COL11A2: variants seen among roughly 807,000 people sequenced by gnomAD.
COL11A2 encodes the protein collagen alpha-2(XI) chain.
Under a neutral mutation model 273.4 loss-of-function variants are expected in COL11A2, and 116 were observed. The observed-to-expected ratio is 0.42, with a 90% CI of 0.36 to 0.49. The LOEUF (loss-of-function observed/expected upper bound fraction) is 0.49, where lower values mean the gene tolerates loss of function less well. Ranked by LOEUF, COL11A2 falls within the 20% of genes least tolerant of loss-of-function variation. COL11A2 has a pLI of 0.00. For missense variants in COL11A2, 1,866 were observed against 2,309.0 expected, an observed-to-expected ratio of 0.81 and a Z score of 3.93; for synonymous variants, 782 against 864.2, an observed-to-expected ratio of 0.90 and a Z score of 1.67.
At chr6:33,193,372 G>GC (rs1171688891), upstream of COL11A2, among the ~76,000 whole-genome samples, 5 of 134,798 alleles carry the variant, frequency 3.7e-5, no homozygotes, top group Middle Eastern at 3.4e-3. Flanking sequence ...AGAATCCACC[G>GC]CCCCCCCTTC....
Position 33,170,126 on chromosome 6 carries a change from C to G in COL11A2, c.3583-26G>C. On this transcript the variant is annotated intron_variant, in intron 48 of 65. Transcript: ENST00000341947. This position sits in a 1 kb window ranked among gnomAD's most constrained non-coding sequence, Gnocchi z 4.3. Reference sequence around the variant, plus strand: ...CTGGAAGAGGAACAGAAATAGGTGTCATTGCTTAGGATGGAGGTGCCATTT... The same window carrying G: ...CTGGAAGAGGAACAGAAATAGGTGTGATTGCTTAGGATGGAGGTGCCATTT... 6.2e-7 allele frequency: 1 copy of G among 1,612,984 alleles called. No individual in the cohort carries two copies. The highest frequency in any genetic ancestry group is 8.5e-7 in the Non-Finnish European group (1 of 1,179,992).
At position 33,179,608 on chromosome 6, in the gene COL11A2, C is replaced by A. The variant is rs1021772671; in HGVS notation, c.1446+111G>T. On this transcript the variant is annotated intron_variant, in intron 13 of 65. Transcript: ENST00000341947. The surrounding 1 kb of genome is among the most constrained non-coding windows in gnomAD (Gnocchi z 6.4). ...TCCACTGCCCAGGATTCTCCCCAAC[C>A]TCCCTGTTAACCCCAAACCAACCCA... The A allele has an allele frequency of 1.4e-6, 2 of 1,468,598 alleles. No individual in the cohort carries two copies. Among genetic ancestry groups the A allele is most frequent in the African/African-American group, 1.4e-5 (1 of 71,788 alleles). 91.0% of individuals were successfully genotyped at this position (1,468,598 alleles called of 1,614,324 possible). A position where few individuals can be genotyped will look rare whatever the true frequency, so the allele number is the denominator to read the frequency against.
At position 33,175,639 on chromosome 6, in the gene COL11A2, C is replaced by A; in HGVS notation, c.2311G>T (p.Glu771Ter). The A allele has an allele frequency of 6.2e-7, 1 of 1,613,022 alleles. No individual in the cohort carries two copies. The highest frequency in any genetic ancestry group is 8.5e-7 in the Non-Finnish European group (1 of 1,180,020). ...VPGSRGEDGP[E>*]GPKGRTGPTG... ...GGTCCAGTGCGTCCCTTTGGCCCCT[C>A]AGGACCATCCTCTCCCCTGGAACCA... is the stretch of plus-strand genomic sequence containing the variant. The change falls in exon 30 of 66, where the codon GAG (glutamate) becomes TAG (stop). Residue 771 changes from glutamate (E) to a stop codon, truncating the protein, a stop_gained. Transcript: ENST00000341947. LOFTEE classifies it high-confidence loss of function.
rs569997660 is a variant in COL11A2 at position 33,167,435 on chromosome 6, T to C, written c.4113A>G (p.Pro1371=). ...CCCTGCAGTGACTCACCACTGAGCCTGGGAGCCCCCTCAGACCATCAGGGC... is the reference window on the plus strand; with the variant it reads ...CCCTGCAGTGACTCACCACTGAGCCCGGGAGCCCCCTCAGACCATCAGGGC... ...KPGPDGLRGL[P]GSVGQQGRPG... The change falls in exon 56 of 66, where the codon CCA becomes CCG. Residue 1371 remains proline (P), a synonymous_variant. Coordinates refer to ENST00000341947, the MANE Select transcript of COL11A2 (RefSeq NM_080680.3). This position sits in a 1 kb window ranked among gnomAD's most constrained non-coding sequence, Gnocchi z 6.1. 1 of 1,607,246 alleles carries C rather than the reference T, an allele frequency of 6.2e-7. No individual in the cohort carries two copies. Among genetic ancestry groups the C allele is most frequent in the Admixed American group, 1.7e-5 (1 of 59,868 alleles).
chr6:33,167,031 T>C lies in COL11A2; in HGVS notation c.4230+39A>G. On this transcript the variant is annotated intron_variant, in intron 58 of 65. Coordinates refer to ENST00000341947, the MANE Select transcript of COL11A2 (RefSeq NM_080680.3). The surrounding 1 kb of genome is among the most constrained non-coding windows in gnomAD (Gnocchi z 6.1). ...CCACAGGTTTCAGGGGCGAGGGTGA[T>C]GGGAGAGACACCTGGCCACGTGTCT... 1 of 1,611,934 alleles carries C rather than the reference T, an allele frequency of 6.2e-7. No individual in the cohort carries two copies. Among genetic ancestry groups the C allele is most frequent in the Non-Finnish European group, 8.5e-7 (1 of 1,179,564 alleles).
Position 33,172,910 on chromosome 6 carries a change from C to A in COL11A2, c.2790+150G>T, listed in dbSNP as rs370249961. 143 of 883,244 alleles carry A rather than the reference C, an allele frequency of 1.6e-4. No individual in the cohort carries two copies. In the South Asian group the frequency reaches 1.9e-3, roughly 12 times the overall value. The allele number at this position is 883,244 out of a possible 1,614,324, so 54.7% of individuals were successfully genotyped here. A position where few individuals can be genotyped will look rare whatever the true frequency, so the allele number is the denominator to read the frequency against. ...CCCCAAAACAGACTGAAGTTCAGGA[C>A]CCCTGCCTGAAATCCCAGCCCCCAC... is the stretch of plus-strand genomic sequence containing the variant. On this transcript the variant is annotated intron_variant, in intron 38 of 65. Transcript: ENST00000341947.
Position 33,165,856 on chromosome 6 carries a change from T to C in COL11A2, c.4483-40A>G. On this transcript the variant is annotated intron_variant, in intron 62 of 65. Transcript: ENST00000341947. The surrounding 1 kb of genome is among the most constrained non-coding windows in gnomAD (Gnocchi z 7.7). Reference sequence around the variant, plus strand: ...AGATGGAGAGGGCAAGAGACAAGGTTGGTGTGAGGGTGAAGTGTGGCAGCA... The same window carrying C: ...AGATGGAGAGGGCAAGAGACAAGGTCGGTGTGAGGGTGAAGTGTGGCAGCA... 6.2e-7 allele frequency: 1 copy of C among 1,613,460 alleles called. No individual in the cohort carries two copies. Among genetic ancestry groups the C allele is most frequent in the South Asian group, 1.1e-5 (1 of 91,064 alleles).
chr6:33,173,133 G>C lies in COL11A2; in HGVS notation c.2737-20C>G. 1 of 1,608,262 alleles carries C rather than the reference G, an allele frequency of 6.2e-7. No homozygotes were observed. The highest frequency in any genetic ancestry group is 8.5e-7 in the Non-Finnish European group (1 of 1,177,652). ...GAAACCCTAGGCGAGGAAGAGAGGA[G>C]AATGCAGTGAAAGCAGGTGTGGGCG... On this transcript the variant is annotated intron_variant, in intron 37 of 65. Transcript: ENST00000341947. The surrounding 1 kb of genome is among the most constrained non-coding windows in gnomAD (Gnocchi z 6.3).
In COL11A2 at chr6:33,171,292, G is replaced by T. The variant is rs1770019964; in HGVS notation, c.3291C>A (p.Thr1097=). Residue 1097 remains threonine (T), a synonymous_variant, in exon 44 of 66, where the codon ACC becomes ACA. Coordinates refer to ENST00000341947, the MANE Select transcript of COL11A2 (RefSeq NM_080680.3). ...GEVGDPGQKG[T]KGNKGEHGPP... is the part of the protein sequence containing the mutation. ...TTACATGTTCACCCTTGTTCCCTTT[G>T]GTGCCCTTCTGTCCGGGGTCCCCCA... 3 of 1,614,182 alleles carry T rather than the reference G, an allele frequency of 1.9e-6. No homozygotes were observed. Among genetic ancestry groups the T allele is most frequent in the Non-Finnish European group, 2.5e-6 (3 of 1,180,026 alleles).
Position 33,170,102 on chromosome 6 carries a change from T to C in COL11A2, c.3583-2A>G, listed in dbSNP as rs1769812798. ...ACCTCCTGGGGGACCTTGTGGGCCC[T>C]GGAAGAGGAACAGAAATAGGTGTCA... is the stretch of plus-strand genomic sequence containing the variant. On this transcript the variant is annotated splice_acceptor_variant, in intron 48 of 65. Transcript: ENST00000341947. LOFTEE classifies it high-confidence loss of function. This position sits in a 1 kb window ranked among gnomAD's most constrained non-coding sequence, Gnocchi z 4.3. The C allele has an allele frequency of 3.1e-6, 5 of 1,612,898 alleles. No homozygotes were observed. Among genetic ancestry groups the C allele is most frequent in the African/African-American group, 1.3e-5 (1 of 74,894 alleles).
rs1182915538 is a variant in COL11A2 at position 33,173,061 on chromosome 6, T to G, written c.2789A>C (p.Gln930Pro). 4 of 1,612,446 alleles carry G rather than the reference T, an allele frequency of 2.5e-6. No individual in the cohort carries two copies. The highest frequency in any genetic ancestry group is 3.4e-6 in the Non-Finnish European group (4 of 1,179,716). ...PPGPPGVVGP[Q>P]GAAGETGPMG... is the part of the protein sequence containing the mutation. Reference sequence around the variant, plus strand: ...ATTCTCTCCTAGGGACAAACCTACCTGAGGTCCCACCACTCCTGGAGGACC... The same window carrying G: ...ATTCTCTCCTAGGGACAAACCTACCGGAGGTCCCACCACTCCTGGAGGACC... The change falls in exon 38 of 66, where the codon CAG becomes CCG. Residue 930 changes from glutamine to proline, a missense_variant and splice_region_variant. By Grantham distance (76) the Gln-to-Pro change is moderately conservative (BLOSUM62 -1). Coordinates refer to ENST00000341947, the MANE Select transcript of COL11A2 (RefSeq NM_080680.3). The surrounding 1 kb of genome is among the most constrained non-coding windows in gnomAD (Gnocchi z 6.3).
Position 33,163,674 on chromosome 6 carries a change from G to C in COL11A2, c.*4C>G, listed in dbSNP as rs186720023. The stretch of plus-strand genomic sequence containing the variant: ...CGAATGGACAGGATCAGACAGAGAC[G>C]GTCCTATCCCATGAAGCAGACAGGC... On this transcript the variant is annotated 3_prime_UTR_variant, in exon 66 of 66. Transcript: ENST00000341947. This position sits in a 1 kb window ranked among gnomAD's most constrained non-coding sequence, Gnocchi z 4.1. 5 of 1,612,870 alleles carry C rather than the reference G, an allele frequency of 3.1e-6. No individual in the cohort carries two copies. The highest frequency in any genetic ancestry group is 1.3e-5 in the African/African-American group (1 of 74,884).
At chr6:33,175,071 G>A (rs1770704185) in intron 30 of COL11A2, among the ~76,000 whole-genome samples, 1 of 152,218 alleles carries the variant, frequency 6.6e-6, no homozygotes, top group Non-Finnish European at 1.5e-5. Flanking sequence ...AAGCCAGACT[G>A]CCTGGGCATA....
At position 33,179,148 on chromosome 6, in the gene COL11A2, T is replaced by C. The variant is rs755526792; in HGVS notation, c.1558-22A>G. 3.7e-6 allele frequency: 6 copies of C among 1,612,244 alleles called. No individual in the cohort carries two copies. In the Middle Eastern group the frequency reaches 6.6e-4, roughly 177 times the overall value. ...GGCCCTGGTGAGAGGAGAGATGGGG[T>C]GGGGTTAGGAGGCATAGGGAGGGGA... On this transcript the variant is annotated intron_variant, in intron 15 of 65. Coordinates refer to ENST00000341947, the MANE Select transcript of COL11A2 (RefSeq NM_080680.3). This position sits in a 1 kb window ranked among gnomAD's most constrained non-coding sequence, Gnocchi z 6.4.
rs367996298 is a variant in COL11A2 at position 33,167,146 on chromosome 6, T to C, written c.4177-23A>G. On this transcript the variant is annotated intron_variant, in intron 57 of 65. Coordinates refer to ENST00000341947, the MANE Select transcript of COL11A2 (RefSeq NM_080680.3). The surrounding 1 kb of genome is among the most constrained non-coding windows in gnomAD (Gnocchi z 6.1). ...TCCCTGTGGAGAGATGGGAAGTCAT[T>C]CTCTTAAGGGAGAGGTGGGACCAAG... 1.2e-6 allele frequency: 2 copies of C among 1,613,848 alleles called. No individual in the cohort carries two copies. The highest frequency in any genetic ancestry group is 1.7e-6 in the Non-Finnish European group (2 of 1,179,960).
In COL11A2 at chr6:33,173,739, A is replaced by G. The variant is rs773502437; in HGVS notation, c.2590T>C (p.Ser864Pro). 1 of 1,590,294 alleles carries G rather than the reference A, an allele frequency of 6.3e-7. No individual in the cohort carries two copies. Among genetic ancestry groups the G allele is most frequent in the Non-Finnish European group, 8.6e-7 (1 of 1,166,058 alleles). ...ATGKSGAKGT[S>P]GGDGPHGPPG... ...GGCCCATGGGGGCCATCACCACCAG[A>G]TGTTCCCTGTGGGGGGAAACAGAGT... Residue 864 changes from serine (S) to proline (P), a missense_variant, in exon 35 of 66, where the codon TCT (serine) becomes CCT (proline). By Grantham distance (74) the Ser-to-Pro change is moderately conservative. Transcript: ENST00000341947. This position sits in a 1 kb window ranked among gnomAD's most constrained non-coding sequence, Gnocchi z 6.3.
In COL11A2 at chr6:33,163,827, G is replaced by A. The variant is rs761306949; in HGVS notation, c.5071-9C>T. 1 of 1,612,892 alleles carries A rather than the reference G, an allele frequency of 6.2e-7. No individual in the cohort carries two copies. On this transcript the variant is annotated splice_polypyrimidine_tract_variant and intron_variant, in intron 65 of 65. Transcript: ENST00000341947. The surrounding 1 kb of genome is among the most constrained non-coding windows in gnomAD (Gnocchi z 4.1). ...GTCCGGCCTTGCTGTGTCTTCAGGG[G>A]GAGACAAGGAAGAAAGTGTGAGCAG...
In COL11A2 at chr6:33,171,484, C is replaced by T; in HGVS notation, c.3241G>A (p.Gly1081Arg). The change falls in exon 43 of 66, where the codon GGA becomes AGA. Residue 1081 changes from glycine (G) to arginine (R), a missense_variant. Coordinates refer to ENST00000341947, the MANE Select transcript of COL11A2 (RefSeq NM_080680.3). ...CCCCTCACCTTGTCTCCATCCTCTC[C>T]AGCCACACCTGGAGGCCCAGCAGGA... is the stretch of plus-strand genomic sequence containing the variant. ...PGPAGPPGVA[G>R]EDGDKGEVGD... 1 of 1,613,966 alleles carries T rather than the reference C, an allele frequency of 6.2e-7. No homozygotes were observed. Among genetic ancestry groups the T allele is most frequent in the Non-Finnish European group, 8.5e-7 (1 of 1,179,952 alleles).
chr6:33,169,734 A>G lies in COL11A2; in HGVS notation c.3690+97T>C, dbSNP rs1261583817. 6.9e-7 allele frequency: 1 copy of G among 1,448,066 alleles called. No individual in the cohort carries two copies. Among genetic ancestry groups the G allele is most frequent in the Non-Finnish European group, 9.7e-7 (1 of 1,028,746 alleles). The allele number at this position is 1,448,066 out of a possible 1,614,324, so 89.7% of individuals were successfully genotyped here. On this transcript the variant is annotated intron_variant, in intron 50 of 65. Transcript: ENST00000341947. This position sits in a 1 kb window ranked among gnomAD's most constrained non-coding sequence, Gnocchi z 5.5. ...GGCAGGGAGCAGAGACTCTTGCTGC[A>G]GAGGAGTTCCAGCTCAAGGAGGTCA...
Sources: gnomAD v4.1 joint callset for allele counts (sites outside exome capture counted in the v4.1 genomes callset) on GRCh38, gnomAD v4.1.1 for gene constraint, Gnocchi (gnomAD v3.1) non-coding constraint, MANE v1.5 for transcripts, NCBI Gene and HGNC (gene_info 2026-07-23, HGNC 2026-07-21) for gene names.